SULT4A1: variants seen among roughly 807,000 people sequenced by gnomAD.
The protein encoded by SULT4A1 is sulfotransferase 4A1.
SULT4A1 carries 11 observed loss-of-function variants against 35.2 expected under a neutral mutation model. The observed-to-expected ratio is 0.31, with a 90% confidence interval of 0.20 to 0.52. The LOEUF (loss-of-function observed/expected upper bound fraction) is 0.52, where lower values mean the gene tolerates loss of function less well. Ranked by LOEUF, SULT4A1 falls within the 20% of genes least tolerant of loss-of-function variation. SULT4A1 has a pLI of 0.97. For missense variants in SULT4A1, 271 were observed against 383.7 expected, an observed-to-expected ratio of 0.71 and a Z score of 2.45; for synonymous variants, 152 against 151.8, an observed-to-expected ratio of 1.00 and a Z score of -0.01.
chr22:43,844,478 C>G (rs1236560439), intron 1 of SULT4A1, among the ~76,000 whole-genome samples: 1 of 152,204 alleles, frequency 6.6e-6, no homozygotes, highest in Non-Finnish European at 1.5e-5. Flanking sequence ...GGCCTCCTGC[C>G]TGGGTCTGGG....
chr22:43,840,098 A>AG (rs1472501904), intron 2 of SULT4A1, 73 bp from the exon 3 acceptor site: 1 of 580,462 alleles, frequency 1.7e-6, no homozygotes, highest in Non-Finnish European at 2.8e-6. Flanking sequence ...GCCAAGGGGA[A>AG]GGGGGCCAGA....
chr22:43,844,993 G>C (rs1452648005), intron 1 of SULT4A1, among the ~76,000 whole-genome samples: 4 of 152,154 alleles, frequency 2.6e-5, no homozygotes, highest in Admixed American at 1.3e-4. Context: ...CCAACCAGAA[G>C]TGTGCCGGGA....
chr22:43,846,237 G>A lies in SULT4A1; in HGVS notation c.170-4305C>T, dbSNP rs189857111. 2.6e-5 allele frequency among the ~76,000 whole-genome samples: 4 copies of A among 152,314 alleles called. No individual in the cohort carries two copies. In the East Asian group the frequency reaches 7.7e-4, roughly 29 times the overall value. ...CACTCCCTGACTCCTCCCTGCGCCTGCTCAGATGCCGCTCAGTCAGCACAG... is the reference window on the plus strand; with the variant it reads ...CACTCCCTGACTCCTCCCTGCGCCTACTCAGATGCCGCTCAGTCAGCACAG... On this transcript the variant is annotated intron_variant, in intron 1 of 6. Transcript: ENST00000330884.
At chr22:43,861,970 G>A (rs956074088) in intron 1 of SULT4A1, among the ~76,000 whole-genome samples, 1 of 152,184 alleles carries the variant, frequency 6.6e-6, no homozygotes, top group African/African-American at 2.4e-5. Flanking sequence ...CCACGGAAGG[G>A]GCCGCTCCCG....
At chr22:43,828,234 C>G (rs2148275720) in intron 6 of SULT4A1, among the ~76,000 whole-genome samples, 1 of 152,358 alleles carries the variant, frequency 6.6e-6, no homozygotes, top group African/African-American at 2.4e-5. Context: ...GCCCAACACA[C>G]CAAGTGTCCA....
intron 1 of SULT4A1, among the ~76,000 whole-genome samples, chr22:43,861,910 G>A (rs2049473943): frequency 6.6e-6 from 1 of 152,238 alleles, no homozygotes; most frequent in South Asian, 2.1e-4. Flanking sequence ...AGGGATGGGT[G>A]GCGGCCCTGG....
chr22:43,847,659 G>T (rs1168057684), intron 1 of SULT4A1, among the ~76,000 whole-genome samples: 1 of 150,788 alleles, frequency 6.6e-6, no homozygotes, highest in Non-Finnish European at 1.5e-5. Flanking sequence ...TCAACAGGCT[G>T]CCCTCTGCCT....
Position 43,833,780 on chromosome 22 carries a change from AG to A in SULT4A1, c.509-47del. On this transcript the variant is annotated intron_variant, in intron 4 of 6. Transcript: ENST00000330884. Reference sequence around the variant, plus strand: ...GTGAGCCACACGGCTGGGCAGGAGAAGCGCACACATGGGGCCATCCCCACCC... The same window carrying A: ...GTGAGCCACACGGCTGGGCAGGAGAACGCACACATGGGGCCATCCCCACCC... 3.3e-6 allele frequency: 5 copies of A among 1,505,646 alleles called. 1 individual carries two copies. The highest frequency in any genetic ancestry group is 4.5e-6 in the Non-Finnish European group (5 of 1,107,190). The allele number at this position is 1,505,646 out of a possible 1,614,324, so 93.3% of individuals were successfully genotyped here. A position where few individuals can be genotyped will look rare whatever the true frequency, so the allele number is the denominator to read the frequency against.
chr22:43,860,559 C>G (rs931362846), intron 1 of SULT4A1, among the ~76,000 whole-genome samples: 1 of 152,174 alleles, frequency 6.6e-6, no homozygotes, highest in African/African-American at 2.4e-5. Context: ...GGTCACTCTG[C>G]TGGTAAGCCG....
chr22:43,840,441 G>C (rs987581192), intron 2 of SULT4A1, among the ~76,000 whole-genome samples: 1 of 152,124 alleles, frequency 6.6e-6, no homozygotes, highest in African/African-American at 2.4e-5. Context: ...TTGGAGACAT[G>C]AGCACACCCC....
intron 1 of SULT4A1, among the ~76,000 whole-genome samples, chr22:43,858,725 T>C (rs964254786): frequency 1.3e-5 from 2 of 152,060 alleles, no homozygotes; most frequent in Non-Finnish European, 2.9e-5. Flanking sequence ...CCCACGCCTC[T>C]CTTACCCCCT....
chr22:43,846,107 T>C (rs1005277843), intron 1 of SULT4A1, among the ~76,000 whole-genome samples: 3 of 152,108 alleles, frequency 2.0e-5, no homozygotes, highest in Admixed American at 1.3e-4. Flanking sequence ...TTCACCATGT[T>C]CCACTCCCTC....
chr22:43,851,052 G>A (rs574773391), intron 1 of SULT4A1, among the ~76,000 whole-genome samples: 5 of 152,142 alleles, frequency 3.3e-5, no homozygotes, highest in African/African-American at 1.2e-4. Flanking sequence ...TGGAACTCCA[G>A]GATTAATCTT....
chr22:43,826,632 A>G, intron 6 of SULT4A1: 14 of 985,458 alleles, frequency 1.4e-5, no homozygotes, highest in Non-Finnish European at 1.6e-5. Flanking sequence ...AAAGGAAAAA[A>G]AAATCATTCA....
At chr22:43,830,478 G>A (rs911935429) in intron 5 of SULT4A1, among the ~76,000 whole-genome samples, 3 of 152,356 alleles carry the variant, frequency 2.0e-5, no homozygotes, top group Middle Eastern at 3.4e-3. Context: ...CAGGGATCAG[G>A]CAGAACGCCC....
At chr22:43,844,786 G>GTGA (rs2063461884) in intron 1 of SULT4A1, among the ~76,000 whole-genome samples, 1 of 152,142 alleles carries the variant, frequency 6.6e-6, no homozygotes, top group African/African-American at 2.4e-5. Flanking sequence ...ATCACCTGCA[G>GTGA]TGCACACCCT....
chr22:43,840,442 A>G (rs1230442515), intron 2 of SULT4A1, among the ~76,000 whole-genome samples: 1 of 152,026 alleles, frequency 6.6e-6, no homozygotes, highest in Non-Finnish European at 1.5e-5. Flanking sequence ...TGGAGACATG[A>G]GCACACCCCG....
intron 1 of SULT4A1, among the ~76,000 whole-genome samples, chr22:43,861,366 T>C (rs1337716259): frequency 1.3e-5 from 2 of 152,158 alleles, no homozygotes; most frequent in African/African-American, 4.8e-5. Context: ...CCAGGGCATG[T>C]TTACAGAACA....
intron 2 of SULT4A1, among the ~76,000 whole-genome samples, chr22:43,840,508 C>T (rs1471628888): frequency 6.6e-6 from 1 of 152,096 alleles, no homozygotes; most frequent in Non-Finnish European, 1.5e-5. Flanking sequence ...GGAGTCCACC[C>T]ATCATAGCCA....
Sources: allele counts gnomAD v4.1 joint callset (sites outside exome capture counted in the v4.1 genomes callset), GRCh38; gene constraint gnomAD v4.1.1; transcripts MANE v1.5; gene names NCBI Gene and HGNC (gene_info 2026-07-23, HGNC 2026-07-21).